GABRB1: variants seen among roughly 807,000 people sequenced by gnomAD.
GABRB1 encodes gamma-aminobutyric acid type A receptor subunit beta1.
GABRB1 carries 17 observed loss-of-function variants against 51.6 expected under a neutral mutation model. The observed-to-expected ratio is 0.33, with a 90% confidence interval of 0.23 to 0.49. The LOEUF (loss-of-function observed/expected upper bound fraction) is 0.49. Ranked by LOEUF, GABRB1 falls within the 20% of genes least tolerant of loss-of-function variation. The pLI, the probability that GABRB1 is intolerant of heterozygous loss-of-function variation, is 0.99. For synonymous variants in GABRB1, 247 were observed against 218.9 expected (o/e 1.13, Z -1.14); for missense variants, 410 against 600.6 (o/e 0.68, Z 3.32).
chr4:46,996,199 T>A (rs552322837), intron 1 of GABRB1, among the ~76,000 whole-genome samples: 1 of 152,246 alleles, frequency 6.6e-6, no homozygotes, highest in Admixed American at 6.5e-5. Flanking sequence ...CAGTGAATTA[T>A]TATTATTGTC....
chr4:47,383,431 T>C (rs1477079855), intron 5 of GABRB1, among the ~76,000 whole-genome samples: 1 of 152,052 alleles, frequency 6.6e-6, no homozygotes, highest in Non-Finnish European at 1.5e-5. Flanking sequence ...CAGCTCTCAA[T>C]AAGTATCATC....
intron 4 of GABRB1, among the ~76,000 whole-genome samples, chr4:47,308,541 T>G (rs934833793): frequency 9.2e-5 from 14 of 152,074 alleles, no homozygotes; most frequent in Non-Finnish European, 1.5e-5. Flanking sequence ...ACTCCATCAC[T>G]CTTGAATTTT....
intron 3 of GABRB1, among the ~76,000 whole-genome samples, chr4:47,070,488 T>C (rs1267117390): frequency 6.6e-6 from 1 of 152,060 alleles, no homozygotes; most frequent in African/African-American, 2.4e-5. Flanking sequence ...CCAGCTACCA[T>C]GCCCGGCTAG....
At chr4:47,423,239 A>G (rs1487229740) in intron 8 of GABRB1, among the ~76,000 whole-genome samples, 1 of 152,216 alleles carries the variant, frequency 6.6e-6, no homozygotes, top group South Asian at 2.1e-4. Flanking sequence ...AGGAAAGACA[A>G]AATAAAAATC....
intron 3 of GABRB1, among the ~76,000 whole-genome samples, chr4:47,066,724 C>G (rs895861218): frequency 6.6e-6 from 1 of 152,180 alleles, no homozygotes; most frequent in African/African-American, 2.4e-5. Flanking sequence ...TTCTATACAT[C>G]TGTAGTCAAT....
chr4:47,119,028 A>G (rs1715627464), intron 3 of GABRB1, among the ~76,000 whole-genome samples: 1 of 152,176 alleles, frequency 6.6e-6, no homozygotes, highest in Non-Finnish European at 1.5e-5. Context: ...ATGAAAATGT[A>G]CTCTACCAGA....
In GABRB1 at chr4:47,120,507, C is replaced by G. The variant is rs566850193; in HGVS notation, c.241-40742C>G. ...TACCTAAGCTGCAAGGCAAAATCCC[C>G]TTTACTCTTTCCTCTGCTTTTCTCA... On this transcript the variant is annotated intron_variant, in intron 3 of 8. Coordinates refer to ENST00000295454, the MANE Select transcript of GABRB1 (RefSeq NM_000812.4). Among the ~76,000 whole-genome samples the G allele has an allele frequency of 2.4e-3, 373 of 152,254 alleles. 2 individuals carry two copies. The highest frequency in any genetic ancestry group is 8.6e-3 in the African/African-American group (358 of 41,554).
intron 1 of GABRB1, among the ~76,000 whole-genome samples, chr4:47,002,028 A>C (rs981927135): frequency 1.6e-4 from 24 of 152,210 alleles, no homozygotes; most frequent in Admixed American, 6.5e-5. Context: ...TGATATGTGA[A>C]CCATTATAAA....
rs1404783887 is a variant in GABRB1, at chr4:47,333,233, T to C, written c.544+13024T>C. On this transcript the variant is annotated intron_variant, in intron 5 of 8. Coordinates refer to ENST00000295454, the MANE Select transcript of GABRB1 (RefSeq NM_000812.4). Reference sequence around the variant, plus strand: ...ATATATATATATATATATATATATATATACACACCACGTATTAATATGAAT... The same window carrying C: ...ATATATATATATATATATATATATACATACACACCACGTATTAATATGAAT... Among the ~76,000 whole-genome samples, 11 of 23,742 alleles carry C rather than the reference T, an allele frequency of 4.6e-4. No individual in the cohort carries two copies. The East Asian group carries it at 0.012, about 25-fold the overall frequency. 15.6% of individuals were successfully genotyped at this position (23,742 alleles called of 152,430 possible).
chr4:47,365,018 G>T lies in GABRB1; in HGVS notation c.545-38300G>T, dbSNP rs556359829. On this transcript the variant is annotated intron_variant, in intron 5 of 8. Coordinates refer to ENST00000295454, the MANE Select transcript of GABRB1 (RefSeq NM_000812.4). ...TATCAGGATGCTGATTTGCACCACA[G>T]AATATGTTCTTGGTATAACAGGGAA... Among the ~76,000 whole-genome samples the T allele has an allele frequency of 3.3e-5, 5 of 152,284 alleles. No individual in the cohort carries two copies. In the East Asian group the frequency reaches 9.6e-4, roughly 29 times the overall value.
intron 3 of GABRB1, among the ~76,000 whole-genome samples, chr4:47,117,789 A>G (rs1715571114): frequency 6.6e-6 from 1 of 152,226 alleles, no homozygotes; most frequent in African/African-American, 2.4e-5. Flanking sequence ...TTTAGACTGC[A>G]TTATCTCCAG....
At chr4:47,197,296 T>C (rs1363842641) in intron 4 of GABRB1, among the ~76,000 whole-genome samples, 1 of 152,234 alleles carries the variant, frequency 6.6e-6, no homozygotes, top group African/African-American at 2.4e-5. Flanking sequence ...TAAGTCTATT[T>C]GTTCATGGGA....
At chr4:47,330,983 A>C (rs1725459888) in intron 5 of GABRB1, among the ~76,000 whole-genome samples, 1 of 152,152 alleles carries the variant, frequency 6.6e-6, no homozygotes, top group Non-Finnish European at 1.5e-5. Flanking sequence ...CATGCTGCAC[A>C]CTTTCTATTC....
upstream of GABRB1, among the ~76,000 whole-genome samples, chr4:47,027,036 T>G (rs1022013878): frequency 7.2e-5 from 11 of 151,726 alleles, no homozygotes; most frequent in Non-Finnish European, 1.5e-4. Context: ...ACACTAGATA[T>G]GTCAAGTGTT....
intron 3 of GABRB1, among the ~76,000 whole-genome samples, chr4:47,136,065 A>C (rs570444776): frequency 6.6e-6 from 1 of 152,166 alleles, no homozygotes; most frequent in Non-Finnish European, 1.5e-5. Flanking sequence ...ATCATAGCTC[A>C]CTGAAGCTTT....
At chr4:47,012,130 T>G (rs960830227) in intron 1 of GABRB1, among the ~76,000 whole-genome samples, 3 of 152,226 alleles carry the variant, frequency 2.0e-5, no homozygotes, top group African/African-American at 7.2e-5. Flanking sequence ...TTTTTACATG[T>G]GTATACAAAA....
At chr4:47,273,543 A>T (rs1722955765) in intron 4 of GABRB1, among the ~76,000 whole-genome samples, 1 of 152,126 alleles carries the variant, frequency 6.6e-6, no homozygotes, top group African/African-American at 2.4e-5. Flanking sequence ...ATTGGTGGCT[A>T]AAAGTTTGGC....
At chr4:47,358,290 T>C (rs1393969217) in intron 5 of GABRB1, among the ~76,000 whole-genome samples, 2 of 152,092 alleles carry the variant, frequency 1.3e-5, no homozygotes, top group African/African-American at 4.8e-5. Context: ...GATGTATGTG[T>C]GTATATGTAT....
At chr4:47,045,759 A>G (rs1726056337) in intron 3 of GABRB1, among the ~76,000 whole-genome samples, 1 of 151,896 alleles carries the variant, frequency 6.6e-6, no homozygotes, top group Non-Finnish European at 1.5e-5. Context: ...CAAAGACCTC[A>G]CCTCCAAATG....
Sources: gnomAD v4.1 joint callset for allele counts (sites outside exome capture counted in the v4.1 genomes callset) on GRCh38, gnomAD v4.1.1 for gene constraint, MANE v1.5 for transcripts, NCBI Gene and HGNC (gene_info 2026-07-23, HGNC 2026-07-21) for gene names.